USP13: variants seen among roughly 807,000 people sequenced by gnomAD.
USP13 encodes the protein ubiquitin carboxyl-terminal hydrolase 13.
In USP13, 68 loss-of-function variants were observed where a neutral mutation model predicts 107.8. That is an observed-to-expected ratio of 0.63 (90% CI 0.52 to 0.77). The LOEUF (loss-of-function observed/expected upper bound fraction) is 0.77. Among genes scored for constraint, USP13 ranks in the 30% least tolerant of loss-of-function variants. The pLI, the probability that USP13 is intolerant of heterozygous loss-of-function variation, is 0.00. For synonymous variants in USP13, 377 were observed against 389.5 expected, an observed-to-expected ratio of 0.97 and a Z score of 0.38; for missense variants, 945 against 1,093.3, an observed-to-expected ratio of 0.86 and a Z score of 1.91.
intron 1 of USP13, among the ~76,000 whole-genome samples, chr3:179,656,148 T>C (rs1422998431): frequency 1.3e-5 from 2 of 152,240 alleles, no homozygotes; most frequent in African/African-American, 4.8e-5. Context: ...AGGGAAATTA[T>C]ATGTGCAAAG....
At chr3:179,680,739 C>T (rs1428093079) in intron 1 of USP13, among the ~76,000 whole-genome samples, 1 of 152,072 alleles carries the variant, frequency 6.6e-6, no homozygotes, top group East Asian at 1.9e-4. Context: ...GACGGGGTTT[C>T]ACCATGTTGG....
intron 1 of USP13, among the ~76,000 whole-genome samples, chr3:179,666,120 G>A (rs4855102): frequency 0.5 from 76,222 of 151,862 alleles, 21,103 homozygotes; most frequent in African/African-American, 0.73. Flanking sequence ...GAGACTGGAA[G>A]GCAAGGTTGA....
At chr3:179,686,141 C>T (rs1041412851) in intron 2 of USP13, among the ~76,000 whole-genome samples, 1 of 152,210 alleles carries the variant, frequency 6.6e-6, no homozygotes, top group Non-Finnish European at 1.5e-5. Context: ...GTCCCACTCC[C>T]GTGAGTGGCC....
At chr3:179,755,460 AATTT>A (rs1714758466) in intron 15 of USP13, among the ~76,000 whole-genome samples, 1 of 151,900 alleles carries the variant, frequency 6.6e-6, no homozygotes, top group Non-Finnish European at 1.5e-5. Flanking sequence ...ATGCCTGCTT[AATTT>A]TTTTTTTGTA....
chr3:179,671,117 G>A (rs746898613), intron 1 of USP13, among the ~76,000 whole-genome samples: 5 of 152,096 alleles, frequency 3.3e-5, no homozygotes, highest in Non-Finnish European at 7.4e-5. Context: ...ACCAGGTGTG[G>A]TGGTGGGCAC....
At chr3:179,666,705 C>G in intron 1 of USP13, among the ~76,000 whole-genome samples, 1 of 152,192 alleles carries the variant, frequency 6.6e-6, no homozygotes, top group South Asian at 2.1e-4. Flanking sequence ...GGCTGCTGTC[C>G]TTTGCCTGTC....
At chr3:179,754,890 C>A in intron 15 of USP13, 36 bp downstream of exon 15, 1 of 1,579,772 alleles carries the variant, frequency 6.3e-7, no homozygotes. Flanking sequence ...GCGCTACCCT[C>A]CCACCCTGTT....
intron 10 of USP13, among the ~76,000 whole-genome samples, chr3:179,735,235 G>C (rs915962425): frequency 6.6e-6 from 1 of 152,182 alleles, no homozygotes; most frequent in African/African-American, 2.4e-5. Flanking sequence ...AGGCAGGGCC[G>C]ACTCTTGGTC....
At chr3:179,663,350 G>T (rs1720506270) in intron 1 of USP13, among the ~76,000 whole-genome samples, 1 of 152,208 alleles carries the variant, frequency 6.6e-6, no homozygotes, top group Admixed American at 6.5e-5. Context: ...ATCCCATTGT[G>T]TGTATATACC....
chr3:179,720,843 T>C (rs939013348), intron 7 of USP13, among the ~76,000 whole-genome samples: 5 of 151,490 alleles, frequency 3.3e-5, no homozygotes, highest in African/African-American at 1.2e-4. Flanking sequence ...AGTTTCGCTC[T>C]TGTTGCCCAG....
intron 1 of USP13, among the ~76,000 whole-genome samples, chr3:179,668,576 A>G (rs557444915): frequency 6.6e-6 from 1 of 151,996 alleles, no homozygotes; most frequent in South Asian, 2.1e-4. Context: ...TTGTTTTTTG[A>G]GACAAGGTCT....
chr3:179,721,652 A>C lies in USP13; in HGVS notation c.1088+63A>C. On this transcript the variant is annotated intron_variant, in intron 8 of 20. Coordinates refer to ENST00000263966, the MANE Select transcript of USP13 (RefSeq NM_003940.3). This position sits in a 1 kb window ranked among gnomAD's most constrained non-coding sequence, Gnocchi z 4.3. ...TCCCTGCCCCATCTAGGTCCAGTCC[A>C]CTCAGTGTGCGCTGCGAAGCCCATC... is the stretch of plus-strand genomic sequence containing the variant. The C allele has an allele frequency of 6.5e-7, 1 of 1,546,622 alleles. No homozygotes were observed. Among genetic ancestry groups the C allele is most frequent in the Non-Finnish European group, 8.8e-7 (1 of 1,140,118 alleles).
At position 179,691,181 on chromosome 3, in the gene USP13, AAAAG is replaced by A. The variant is rs1427830470; in HGVS notation, c.355+883_355+886del. ...GATCCTGTCTTTAAAAAAAAAAAAA[AAAAG>A]AAGTCAATTTTTTTCTTTTTATTTC... On this transcript the variant is annotated intron_variant, in intron 3 of 20. Coordinates refer to ENST00000263966, the MANE Select transcript of USP13 (RefSeq NM_003940.3). 1.9e-3 allele frequency among the ~76,000 whole-genome samples: 284 copies of A among 151,998 alleles called. 3 individuals carry two copies. The highest frequency in any genetic ancestry group is 6.5e-3 in the African/African-American group (269 of 41,472).
At chr3:179,685,141 A>G (rs1305382625) in intron 2 of USP13, among the ~76,000 whole-genome samples, 3 of 151,136 alleles carry the variant, frequency 2.0e-5, no homozygotes, top group Non-Finnish European at 2.9e-5. Flanking sequence ...GTAATTTTTT[A>G]TAAAGGAACT....
Position 179,761,232 on chromosome 3 carries a change from T to C in USP13, c.2069T>C (p.Ile690Thr). ...NMGAEVAFNW[I>T]IVHMEEPDFA... ...GGCGCCGAGGTGGCCTTCAACTGGA[T>C]CATTGTTCACATGGAAGAGCCAGGT... Residue 690 changes from isoleucine to threonine, a missense_variant, in exon 17 of 21, where the codon ATC (isoleucine) becomes ACC (threonine). By Grantham distance (89) the Ile-to-Thr change is moderately conservative. Coordinates refer to ENST00000263966, the MANE Select transcript of USP13 (RefSeq NM_003940.3). 1 of 1,614,148 alleles carries C rather than the reference T, an allele frequency of 6.2e-7. No individual in the cohort carries two copies. Among genetic ancestry groups the C allele is most frequent in the South Asian group, 1.1e-5 (1 of 91,078 alleles).
At chr3:179,714,353 C>T (rs752824718) in intron 6 of USP13, among the ~76,000 whole-genome samples, 3 of 152,190 alleles carry the variant, frequency 2.0e-5, no homozygotes, top group Non-Finnish European at 2.9e-5. Flanking sequence ...TCTCCCAGCC[C>T]CAGGGTTTGG....
chr3:179,666,911 TTAG>T (rs1319746468), intron 1 of USP13, among the ~76,000 whole-genome samples: 2 of 152,210 alleles, frequency 1.3e-5, no homozygotes, highest in Non-Finnish European at 2.9e-5. Context: ...CACTTACTAC[TTAG>T]TAGCCATGTG....
At chr3:179,667,006 T>G (rs540307094) in intron 1 of USP13, among the ~76,000 whole-genome samples, 5 of 152,228 alleles carry the variant, frequency 3.3e-5, no homozygotes, top group Admixed American at 6.5e-5. Flanking sequence ...CTTGCAGGGT[T>G]GTTGTAATCA....
chr3:179,743,462 G>A (rs115406540), intron 12 of USP13, among the ~76,000 whole-genome samples: 6 of 151,880 alleles, frequency 4.0e-5, no homozygotes, highest in Non-Finnish European at 8.8e-5. Flanking sequence ...TGTGTGGGGG[G>A]TGGTGGGTCA....
Sources: allele counts gnomAD v4.1 joint callset (sites outside exome capture counted in the v4.1 genomes callset), GRCh38; gene constraint gnomAD v4.1.1; non-coding constraint Gnocchi (gnomAD v3.1); transcripts MANE v1.5; gene names NCBI Gene and HGNC (gene_info 2026-07-23, HGNC 2026-07-21).